The following FRMD4A variants were observed in gnomAD, a reference collection of about 807,000 sequenced individuals.
FRMD4A encodes the protein FERM domain containing 4A.
FRMD4A carries 29 observed loss-of-function variants against 129.1 expected under a neutral mutation model. The observed-to-expected ratio is 0.22, with a 90% CI of 0.17 to 0.31. The LOEUF (loss-of-function observed/expected upper bound fraction) is 0.31. Ranked by LOEUF, FRMD4A falls within the 10% of genes least tolerant of loss-of-function variation. The pLI, the probability that FRMD4A is intolerant of heterozygous loss-of-function variation, is 1.00. For missense variants in FRMD4A, 1,272 were observed against 1,375.8 expected, an observed-to-expected ratio of 0.92 and a Z score of 1.19; for synonymous variants, 634 against 571.6, an observed-to-expected ratio of 1.11 and a Z score of -1.56.
At chr10:13,997,970 G>A (rs1231058697) in intron 2 of FRMD4A, among the ~76,000 whole-genome samples, 1 of 152,158 alleles carries the variant, frequency 6.6e-6, no homozygotes, top group East Asian at 1.9e-4. Flanking sequence ...GCTGCAATAA[G>A]GTGATTTCTT....
In FRMD4A at chr10:14,298,019, C is replaced by T. The variant is rs539561398; in HGVS notation, c.45+32039G>A. Reference sequence around the variant, plus strand: ...TCAGAAACCAGCATGACCTGAGGGCCAAATCCAACCCAATGCCTGTTTTTG... The same window carrying T: ...TCAGAAACCAGCATGACCTGAGGGCTAAATCCAACCCAATGCCTGTTTTTG... On this transcript the variant is annotated intron_variant, in intron 2 of 24. Transcript: ENST00000357447. 5.7e-4 allele frequency among the ~76,000 whole-genome samples: 87 copies of T among 152,270 alleles called. 1 individual carries two copies. The highest frequency in any genetic ancestry group is 2.0e-3 in the African/African-American group (84 of 41,560).
intron 6 of FRMD4A, among the ~76,000 whole-genome samples, chr10:13,775,290 C>T (rs2092568871): frequency 6.6e-6 from 1 of 152,208 alleles, no homozygotes; most frequent in South Asian, 2.1e-4. Context: ...GGGCACCCAT[C>T]CTGAAATTTT....
intron 2 of FRMD4A, among the ~76,000 whole-genome samples, chr10:14,012,254 C>G (rs906714390): frequency 6.6e-6 from 1 of 152,072 alleles, no homozygotes; most frequent in Non-Finnish European, 1.5e-5. Context: ...TCTAGACTCT[C>G]CGAAGCTGCT....
intron 14 of FRMD4A, among the ~76,000 whole-genome samples, chr10:13,697,876 G>A (rs2086379539): frequency 6.6e-6 from 1 of 152,190 alleles, no homozygotes; most frequent in African/African-American, 2.4e-5. Context: ...AAGTCTCTAA[G>A]ACGTTCCTTG....
intron 2 of FRMD4A, among the ~76,000 whole-genome samples, chr10:14,115,820 C>T (rs564187921): frequency 1.3e-5 from 2 of 152,198 alleles, no homozygotes. Flanking sequence ...GTCTGCAGAA[C>T]CAGAATAAGC....
intron 16 of FRMD4A, among the ~76,000 whole-genome samples, chr10:13,671,454 T>C (rs1291309515): frequency 6.6e-6 from 1 of 151,998 alleles, no homozygotes; most frequent in Non-Finnish European, 1.5e-5. Flanking sequence ...ACTCTGTTTA[T>C]TAAGGAAAAA....
intron 2 of FRMD4A, among the ~76,000 whole-genome samples, chr10:14,290,549 C>T (rs1378406446): frequency 6.6e-6 from 1 of 151,994 alleles, no homozygotes; most frequent in African/African-American, 2.4e-5. Flanking sequence ...AAACTGGACC[C>T]TTATTTTACA....
chr10:13,733,231 T>C (rs147493528), intron 12 of FRMD4A, among the ~76,000 whole-genome samples: 1 of 152,320 alleles, frequency 6.6e-6, no homozygotes, highest in African/African-American at 2.4e-5. Context: ...GATGGCCTTT[T>C]TATAATGGTG....
At chr10:13,993,030 C>A (rs1050144124) in intron 2 of FRMD4A, among the ~76,000 whole-genome samples, 10 of 147,616 alleles carry the variant, frequency 6.8e-5, no homozygotes, top group African/African-American at 2.0e-4. Context: ...ATCCATTGAT[C>A]TGCTTCTCTT....
At chr10:14,096,777 A>G (rs184311912) in intron 2 of FRMD4A, among the ~76,000 whole-genome samples, 3 of 152,296 alleles carry the variant, frequency 2.0e-5, no homozygotes, top group Admixed American at 1.3e-4. Flanking sequence ...GAACATTACA[A>G]CAATGCATTC....
intron 2 of FRMD4A, among the ~76,000 whole-genome samples, chr10:14,134,150 C>T (rs754477582): frequency 2.0e-4 from 30 of 150,302 alleles, no homozygotes; most frequent in Non-Finnish European, 4.3e-4. Context: ...CTTCATTTTA[C>T]CATTTTCTCT....
chr10:14,160,172 G>A (rs1378814515), intron 2 of FRMD4A, among the ~76,000 whole-genome samples: 1 of 152,106 alleles, frequency 6.6e-6, no homozygotes, highest in Non-Finnish European at 1.5e-5. Flanking sequence ...TATATTTACA[G>A]CCAACTGATT....
chr10:13,787,852 C>G (rs1333621337), intron 5 of FRMD4A, among the ~76,000 whole-genome samples: 1 of 146,474 alleles, frequency 6.8e-6, no homozygotes, highest in Admixed American at 6.9e-5. Context: ...GAGGCCGAGG[C>G]AGGCAGATCT....
intron 2 of FRMD4A, among the ~76,000 whole-genome samples, chr10:13,970,682 T>G (rs1177953450): frequency 6.6e-6 from 1 of 152,080 alleles, no homozygotes. Flanking sequence ...GGGACATTCT[T>G]TCACTTGCTA....
At chr10:13,657,559 G>A (rs1172788258) in intron 21 of FRMD4A, 37 bp from the exon 22 acceptor site, 1 of 1,520,016 alleles carries the variant, frequency 6.6e-7, no homozygotes, top group Non-Finnish European at 8.8e-7. Flanking sequence ...TGGGGGTGGG[G>A]AGTGGGCCCA....
At chr10:13,650,373 A>G (rs886614541) in intron 24 of FRMD4A, among the ~76,000 whole-genome samples, 2 of 152,110 alleles carry the variant, frequency 1.3e-5, no homozygotes, top group Non-Finnish European at 2.9e-5. Context: ...TGCTCAGTAT[A>G]ATGTATGTGT....
chr10:14,261,419 T>C (rs1311798889), intron 2 of FRMD4A, among the ~76,000 whole-genome samples: 1 of 152,182 alleles, frequency 6.6e-6, no homozygotes, highest in Non-Finnish European at 1.5e-5. Flanking sequence ...TCTACTTGGG[T>C]ATTCAGTTTT....
rs1006516754 is a variant in FRMD4A, at chr10:13,643,978, A to G, written c.*3060T>C. 6.6e-6 allele frequency: 1 copy of G among 152,648 alleles called. No homozygotes were observed. The highest frequency in any genetic ancestry group is 2.4e-5 in the African/African-American group (1 of 41,458). The allele number at this position is 152,648 out of a possible 1,614,324, so 9.5% of individuals were successfully genotyped here. On this transcript the variant is annotated 3_prime_UTR_variant, in exon 25 of 25. Transcript: ENST00000357447. ...TAGAGTCCATTTTACACAACTTGTA[A>G]TAAACTATTGACATTAATGTATATG...
chr10:13,930,665 C>A (rs1335128645), intron 2 of FRMD4A, among the ~76,000 whole-genome samples: 1 of 152,094 alleles, frequency 6.6e-6, no homozygotes, highest in Non-Finnish European at 1.5e-5. Context: ...GGGACTGCAG[C>A]TTTAGGAGAA....
Sources: allele counts gnomAD v4.1 joint callset (sites outside exome capture counted in the v4.1 genomes callset), GRCh38; gene constraint gnomAD v4.1.1; transcripts MANE v1.5; gene names NCBI Gene and HGNC (gene_info 2026-07-23, HGNC 2026-07-21).